FOXN3: variants seen among roughly 807,000 people sequenced by gnomAD.
FOXN3 encodes the protein forkhead box protein N3.
A neutral mutation model predicts 38.4 loss-of-function variants in FOXN3; 7 were observed. The ratio of observed to expected loss-of-function variants is 0.18; its 90% CI spans 0.10 to 0.34. The LOEUF (loss-of-function observed/expected upper bound fraction) is 0.34. FOXN3 is among the 10% of genes least tolerant of loss of function. The pLI is 1.00. For synonymous variants in FOXN3, 230 were observed against 242.2 expected, an observed-to-expected ratio of 0.95 and a Z score of 0.47; for missense variants, 456 against 613.4, an observed-to-expected ratio of 0.74 and a Z score of 2.71.
intron 1 of FOXN3, among the ~76,000 whole-genome samples, chr14:89,537,734 A>G (rs1317522625): frequency 6.6e-6 from 1 of 152,254 alleles, no homozygotes; most frequent in Non-Finnish European, 1.5e-5. Context: ...TGAACTTACC[A>G]AACAACTTTA....
intron 4 of FOXN3, among the ~76,000 whole-genome samples, chr14:89,238,608 C>CATAGAGAACTGCAGAATATTTT: frequency 6.6e-6 from 1 of 152,208 alleles, no homozygotes; most frequent in Non-Finnish European, 1.5e-5. Flanking sequence ...CCTACAGTTA[C>CATAGAGAACTGCAGAATATTTT]ATAGAGAACT....
chr14:89,418,412 A>ACC (rs77366418), upstream of FOXN3, among the ~76,000 whole-genome samples: 4,262 of 71,814 alleles, frequency 0.059, 292 homozygotes, highest in East Asian at 0.19. Flanking sequence ...CAAAAAATAG[A>ACC]CCCCCCCCCC....
chr14:89,602,725 T>A (rs1343688372), intron 1 of FOXN3, among the ~76,000 whole-genome samples: 6 of 152,120 alleles, frequency 3.9e-5, no homozygotes, highest in Non-Finnish European at 7.4e-5. Flanking sequence ...CTTGAACACC[T>A]GACCTTGTGA....
intron 2 of FOXN3, chr14:89,401,646 G>C (rs999486521): frequency 6.6e-6 from 3 of 455,854 alleles, no homozygotes; most frequent in Non-Finnish European, 1.3e-5. Flanking sequence ...GCCACGATTA[G>C]AGTCAGCGCT....
chr14:89,218,811 G>C (rs1215568857), intron 4 of FOXN3, among the ~76,000 whole-genome samples: 5 of 152,192 alleles, frequency 3.3e-5, no homozygotes, highest in Non-Finnish European at 7.3e-5. Flanking sequence ...TCTGTGAAAT[G>C]AGAGGTCTGG....
intron 1 of FOXN3, among the ~76,000 whole-genome samples, chr14:89,488,411 C>T (rs373339584): frequency 4.0e-5 from 6 of 151,650 alleles, no homozygotes; most frequent in African/African-American, 9.7e-5. Context: ...TTTGGGAGGC[C>T]GAGGTGGGCA....
chr14:89,349,223 C>A (rs997880113), intron 3 of FOXN3, among the ~76,000 whole-genome samples: 1 of 152,182 alleles, frequency 6.6e-6, no homozygotes, highest in African/African-American at 2.4e-5. Context: ...GCTATGGCCA[C>A]AAGGAGAAAA....
intron 1 of FOXN3, among the ~76,000 whole-genome samples, chr14:89,489,999 G>A (rs778443827): frequency 2.0e-5 from 3 of 152,210 alleles, no homozygotes; most frequent in Non-Finnish European, 4.4e-5. Flanking sequence ...GGAGTAAAAC[G>A]TAATGCCAAA....
chr14:89,491,975 T>C (rs977272112), intron 1 of FOXN3, among the ~76,000 whole-genome samples: 3 of 152,172 alleles, frequency 2.0e-5, no homozygotes, highest in Admixed American at 6.5e-5. Flanking sequence ...GGTGTTTTGT[T>C]TTGGTTTGTT....
chr14:89,382,598 C>T (rs1479412595), intron 2 of FOXN3, among the ~76,000 whole-genome samples: 11 of 152,292 alleles, frequency 7.2e-5, no homozygotes, highest in African/African-American at 1.7e-4. Context: ...GCAGGAAGCA[C>T]GTGGGTTTGG....
intron 1 of FOXN3, among the ~76,000 whole-genome samples, chr14:89,435,286 C>A (rs980087090): frequency 2.6e-5 from 4 of 151,492 alleles, no homozygotes; most frequent in Non-Finnish European, 5.9e-5. Context: ...GCAGGAGGAT[C>A]ACTAGGGCCT....
chr14:89,222,337 A>G (rs1378903142), intron 4 of FOXN3, among the ~76,000 whole-genome samples: 1 of 152,236 alleles, frequency 6.6e-6, no homozygotes, highest in Non-Finnish European at 1.5e-5. Context: ...CAGGAAATAC[A>G]TGAAAATTAT....
chr14:89,386,380 T>C (rs1334821897), intron 2 of FOXN3, among the ~76,000 whole-genome samples: 2 of 152,198 alleles, frequency 1.3e-5, no homozygotes, highest in Non-Finnish European at 2.9e-5. Context: ...TCTGTCAAGG[T>C]CGTCCACGGA....
chr14:89,232,118 A>AACTC (rs1384614098), intron 4 of FOXN3, among the ~76,000 whole-genome samples: 1 of 152,160 alleles, frequency 6.6e-6, no homozygotes, highest in Non-Finnish European at 1.5e-5. Flanking sequence ...GCGGATGTAG[A>AACTC]ACTCACTGAT....
At chr14:89,486,916 T>C (rs139494145) in intron 1 of FOXN3, among the ~76,000 whole-genome samples, 189 of 152,326 alleles carry the variant, frequency 1.2e-3, no homozygotes, top group African/African-American at 4.4e-3. Flanking sequence ...ACATGCCATC[T>C]CAATGTGAGA....
intron 4 of FOXN3, among the ~76,000 whole-genome samples, chr14:89,197,740 C>T (rs897185377): frequency 6.6e-5 from 10 of 152,158 alleles, no homozygotes; most frequent in African/African-American, 9.7e-5. Context: ...TGAAATTCCA[C>T]GGGAACCCCA....
intron 1 of FOXN3, among the ~76,000 whole-genome samples, chr14:89,448,891 C>T (rs1742692273): frequency 6.6e-6 from 1 of 151,844 alleles, no homozygotes; most frequent in African/African-American, 2.4e-5. Context: ...GTAGTGAGAG[C>T]TGTGATTGCA....
chr14:89,185,307 G>A (rs750042058), intron 4 of FOXN3, among the ~76,000 whole-genome samples: 4 of 152,148 alleles, frequency 2.6e-5, no homozygotes, highest in Admixed American at 6.5e-5. Context: ...TGTCAGGAAC[G>A]TGGCTTCTGA....
At chr14:89,168,323 C>T (rs1177022779) in intron 5 of FOXN3, among the ~76,000 whole-genome samples, 2 of 152,098 alleles carry the variant, frequency 1.3e-5, no homozygotes, top group Non-Finnish European at 2.9e-5. Flanking sequence ...AGAGATAAAA[C>T]ATATAATCCT....
Sources: allele counts gnomAD v4.1 joint callset (sites outside exome capture counted in the v4.1 genomes callset), GRCh38; gene constraint gnomAD v4.1.1; transcripts MANE v1.5; gene names NCBI Gene and HGNC (gene_info 2026-07-23, HGNC 2026-07-21).